Variants in C6orf118 observed in about 807,000 individuals in gnomAD.
C6orf118 encodes the protein chromosome 6 open reading frame 118, also known as uncharacterized protein C6orf118.
A neutral mutation model predicts 50.2 loss-of-function variants in C6orf118; 50 were observed. The ratio of observed to expected loss-of-function variants is 1.00; its 90% CI spans 0.79 to 1.26. C6orf118 has a LOEUF of 1.26. C6orf118 is among the 50% of genes most tolerant of loss of function. C6orf118 has a pLI of 0.00. For synonymous variants in C6orf118, 239 were observed against 230.9 expected (o/e 1.03, Z -0.32); for missense variants, 641 against 578.7 (o/e 1.11, Z -1.10).
intron 8 of C6orf118, among the ~76,000 whole-genome samples, chr6:165,281,136 C>T (rs1256204560): frequency 6.6e-6 from 1 of 152,110 alleles, no homozygotes; most frequent in Non-Finnish European, 1.5e-5. Context: ...GTAATATATG[C>T]ATAGGAGTTT....
intron 7 of C6orf118, among the ~76,000 whole-genome samples, chr6:165,284,889 A>G (rs1184653517): frequency 6.6e-6 from 1 of 152,154 alleles, no homozygotes; most frequent in Non-Finnish European, 1.5e-5. Flanking sequence ...CAATGACACT[A>G]TGAAGGAACT....
intron 7 of C6orf118, among the ~76,000 whole-genome samples, chr6:165,282,193 C>A (rs868216400): frequency 6.6e-6 from 1 of 151,928 alleles, no homozygotes; most frequent in South Asian, 2.1e-4. Context: ...AAAATAATCC[C>A]AGATAGGAGT....
chr6:165,283,620 G>A (rs139929900), intron 7 of C6orf118, among the ~76,000 whole-genome samples: 14 of 152,270 alleles, frequency 9.2e-5, no homozygotes, highest in South Asian at 2.1e-4. Flanking sequence ...GGAAGGAGTC[G>A]GCAGCAATCT....
chr6:165,302,684 C>A (rs115334776), intron 1 of C6orf118, among the ~76,000 whole-genome samples: 8,336 of 152,152 alleles, frequency 0.055, 768 homozygotes, highest in African/African-American at 0.19. Flanking sequence ...CGTATTTCAC[C>A]GGCCGGGGAA....
At chr6:165,289,773 G>T in intron 7 of C6orf118, 113 bp downstream of exon 7, 1 of 566,474 alleles carries the variant, frequency 1.8e-6, no homozygotes, top group African/African-American at 1.9e-5. Context: ...AAGTACATTT[G>T]GGCCAAATTT....
intron 6 of C6orf118, among the ~76,000 whole-genome samples, chr6:165,291,853 AC>A (rs1780115896): frequency 6.6e-6 from 1 of 152,218 alleles, no homozygotes. Flanking sequence ...TGAGAAAAAA[AC>A]AATTACTACT....
Position 165,302,212 on chromosome 6 carries a change from G to A in C6orf118, c.110C>T (p.Thr37Ile), listed in dbSNP as rs1562336777. The A allele has an allele frequency of 6.2e-7, 1 of 1,612,708 alleles. No individual in the cohort carries two copies. Among genetic ancestry groups the A allele is most frequent in the East Asian group, 2.2e-5 (1 of 44,862 alleles). Residue 37 changes from threonine (T) to isoleucine (I), a missense_variant, in exon 2 of 9, where the codon ACC (threonine) becomes ATC (isoleucine). By Grantham distance (89) the Thr-to-Ile change is moderately conservative (BLOSUM62 -1). Transcript: ENST00000230301. ...LKHCETPGVKTLCNLKKLLNR... is the reference protein window; with the variant it reads ...LKHCETPGVKILCNLKKLLNR... ...CAGAAGTTTCTTCAGATTACACAGG[G>A]TCTTCACTCCTGGCGTCTCGCAGTG... is the stretch of plus-strand genomic sequence containing the variant.
In C6orf118 at chr6:165,302,316, AG is replaced by A; in HGVS notation, c.26-21del. The A allele has an allele frequency of 6.2e-7, 1 of 1,603,478 alleles. No individual in the cohort carries two copies. The highest frequency in any genetic ancestry group is 8.5e-7 in the Non-Finnish European group (1 of 1,177,356). ...GGTACACTGGTCAGAAAAGAAAAGG[AG>A]GCTCTTAGGGATCGCTCTTAGTTCC... is the stretch of plus-strand genomic sequence containing the variant. On this transcript the variant is annotated intron_variant, in intron 1 of 8. Transcript: ENST00000230301.
chr6:165,294,765 C>A (rs866611918), intron 5 of C6orf118, among the ~76,000 whole-genome samples: 1 of 151,996 alleles, frequency 6.6e-6, no homozygotes, highest in Non-Finnish European at 1.5e-5. Context: ...TGCCTGTGGT[C>A]CCAGCTACTT....
intron 2 of C6orf118, 31 bp from the exon 3 acceptor site, chr6:165,300,517 G>A: frequency 6.3e-7 from 1 of 1,589,110 alleles, no homozygotes; most frequent in South Asian, 1.1e-5. Flanking sequence ...GCCCATTTCA[G>A]GGTGGCTTCA....
chr6:165,280,964 A>G (rs1779708726), intron 8 of C6orf118, among the ~76,000 whole-genome samples: 1 of 152,206 alleles, frequency 6.6e-6, no homozygotes, highest in Admixed American at 6.5e-5. Context: ...ATTGCTCTTA[A>G]TAATACCACA....
At chr6:165,302,334 C>A in intron 1 of C6orf118, 38 bp from the exon 2 acceptor site, 1 of 1,587,626 alleles carries the variant, frequency 6.3e-7, no homozygotes, top group South Asian at 1.1e-5. Context: ...AGGGATCGCT[C>A]TTAGTTCCAC....
intron 7 of C6orf118, among the ~76,000 whole-genome samples, chr6:165,289,407 A>T (rs1780029169): frequency 6.6e-6 from 1 of 152,166 alleles, no homozygotes; most frequent in South Asian, 2.1e-4. Context: ...ACATTGAGTT[A>T]TATTCTACAC....
Position 165,300,457 on chromosome 6 carries a change from G to C in C6orf118, c.783C>G (p.Pro261=). 1 of 1,612,946 alleles carries C rather than the reference G, an allele frequency of 6.2e-7. No individual in the cohort carries two copies. The highest frequency in any genetic ancestry group is 8.5e-7 in the Non-Finnish European group (1 of 1,179,404). ...QELQKICTCS[P]QQFNRLHVFG... is the part of the protein sequence containing the mutation. ...AGACGTGCAGTCTGTTGAACTGCTGGGGGCTGCACGTGCAAATTTTCTGGA... is the reference window on the plus strand; with the variant it reads ...AGACGTGCAGTCTGTTGAACTGCTGCGGGCTGCACGTGCAAATTTTCTGGA... Residue 261 remains proline (P), a synonymous_variant, in exon 3 of 9, where the codon CCC becomes CCG. Coordinates refer to ENST00000230301, the MANE Select transcript of C6orf118 (RefSeq NM_144980.4).
At chr6:165,300,327 C>T in intron 3 of C6orf118, 37 bp downstream of exon 3, 1 of 1,610,874 alleles carries the variant, frequency 6.2e-7, no homozygotes, top group South Asian at 1.1e-5. Flanking sequence ...CTCATGCAAG[C>T]TTCTCAACTG....
chr6:165,298,039 G>A lies in C6orf118; in HGVS notation c.999C>T (p.Leu333=), dbSNP rs1023992986. The change falls in exon 5 of 9, where the codon CTC becomes CTT. Residue 333 remains leucine, a synonymous_variant. Transcript: ENST00000230301. ...CGAGCATCCTCAGCTCTTCCCTGGC[G>A]AGATCCATGTCCGCCGTCTTCACCG... ...QRPVKTADMD[L]AREELRMLVT... is the part of the protein sequence containing the mutation. 26 of 1,613,590 alleles carry A rather than the reference G, an allele frequency of 1.6e-5. No homozygotes were observed. Among genetic ancestry groups the A allele is most frequent in the South Asian group, 4.4e-5 (4 of 91,054 alleles).
chr6:165,301,507 T>C (rs1562334895), intron 2 of C6orf118, 62 bp downstream of exon 2: 5 of 1,540,684 alleles, frequency 3.2e-6, no homozygotes, highest in African/African-American at 1.4e-5. Context: ...CTGAGAGCAC[T>C]GCACCGAGAG....
intron 7 of C6orf118, among the ~76,000 whole-genome samples, chr6:165,289,259 G>T (rs1047910651): frequency 2.0e-5 from 3 of 151,462 alleles, no homozygotes; most frequent in Non-Finnish European, 2.9e-5. Flanking sequence ...TCATAAAGAA[G>T]GTTGGACCAC....
rs1197033375 is a variant in C6orf118 at position 165,280,030 on chromosome 6, C to A, written c.*27G>T. 1.3e-6 allele frequency: 2 copies of A among 1,590,692 alleles called. No homozygotes were observed. The highest frequency in any genetic ancestry group is 2.2e-5 in the East Asian group (1 of 44,502). On this transcript the variant is annotated 3_prime_UTR_variant, in exon 9 of 9. Transcript: ENST00000230301. The stretch of plus-strand genomic sequence containing the variant: ...CATACATGGAAGTTAAGAATTTCCA[C>A]TGGCCATTTGTTCAGCCACTTGAGC...
Sources: allele counts gnomAD v4.1 joint callset (sites outside exome capture counted in the v4.1 genomes callset), GRCh38; gene constraint gnomAD v4.1.1; transcripts MANE v1.5; gene names NCBI Gene and HGNC (gene_info 2026-07-23, HGNC 2026-07-21).